The following ARHGAP24 variants were observed in gnomAD, a reference collection of about 807,000 sequenced individuals.
The protein encoded by ARHGAP24 is Rho GTPase activating protein 24.
Under a neutral mutation model 76.4 loss-of-function variants are expected in ARHGAP24, and 50 were observed. The observed-to-expected ratio is 0.65, with a 90% CI of 0.52 to 0.83. The LOEUF is 0.83. ARHGAP24 is among the 40% of genes least tolerant of loss of function. The pLI, the probability that ARHGAP24 is intolerant of heterozygous loss-of-function variation, is 0.00. For synonymous variants in ARHGAP24, 345 were observed against 323.3 expected (o/e 1.07, Z -0.72); for missense variants, 930 against 914.2 (o/e 1.02, Z -0.22).
chr4:85,667,094 C>T (rs557741692), intron 2 of ARHGAP24, among the ~76,000 whole-genome samples: 9 of 152,160 alleles, frequency 5.9e-5, no homozygotes, highest in African/African-American at 1.4e-4. Context: ...GTGCCCTGCC[C>T]CCAGAGGTGG....
intron 1 of ARHGAP24, among the ~76,000 whole-genome samples, chr4:85,507,229 A>AT (rs950295857): frequency 2.7e-5 from 4 of 150,116 alleles, no homozygotes; most frequent in Non-Finnish European, 3.0e-5. Context: ...TATTATTATT[A>AT]TTTTTTTTTA....
intron 1 of ARHGAP24, among the ~76,000 whole-genome samples, chr4:85,552,081 C>T (rs183782883): frequency 4.7e-4 from 71 of 152,096 alleles, no homozygotes; most frequent in African/African-American, 1.6e-3. Context: ...TTGGTTTGCT[C>T]TTGTTTCTCT....
chr4:85,691,837 T>C (rs1308506172), intron 2 of ARHGAP24, among the ~76,000 whole-genome samples: 1 of 152,178 alleles, frequency 6.6e-6, no homozygotes, highest in Non-Finnish European at 1.5e-5. Context: ...GGCCATTTAC[T>C]TTCAGGGTTA....
rs35999958 is a variant in ARHGAP24 at position 85,888,262 on chromosome 4, G to A, written c.269-35386G>A. 5.9e-5 allele frequency among the ~76,000 whole-genome samples: 9 copies of A among 151,930 alleles called. No individual in the cohort carries two copies. In the East Asian group the frequency reaches 1.6e-3, roughly 26 times the overall value. On this transcript the variant is annotated intron_variant, in intron 3 of 9. Coordinates refer to ENST00000395184, the MANE Select transcript of ARHGAP24 (RefSeq NM_001025616.3). ...CTAAAAATACAAAAATTAGCCGGACGTGGTGGCGCACACTTGTAATCCGGC... is the reference window on the plus strand; with the variant it reads ...CTAAAAATACAAAAATTAGCCGGACATGGTGGCGCACACTTGTAATCCGGC...
intron 2 of ARHGAP24, among the ~76,000 whole-genome samples, chr4:85,699,034 T>C (rs188799838): frequency 4.8e-4 from 73 of 152,344 alleles, no homozygotes; most frequent in Non-Finnish European, 5.3e-4. Context: ...ACCCCATCTC[T>C]AATTACCATT....
rs1721108204 is a variant in ARHGAP24, at chr4:85,630,059, C to T, written c.180+59338C>T. ...CTTTTCTCTTCTTTCTTTCTTTTTC[C>T]TCTAGGTAATTTTAAATGACCTGTC... is the stretch of plus-strand genomic sequence containing the variant. On this transcript the variant is annotated intron_variant, in intron 2 of 9. Coordinates refer to ENST00000395184, the MANE Select transcript of ARHGAP24 (RefSeq NM_001025616.3). Among the ~76,000 whole-genome samples, 4 of 151,104 alleles carry T rather than the reference C, an allele frequency of 2.6e-5. No individual in the cohort carries two copies. The South Asian group carries it at 8.3e-4, about 31-fold the overall frequency.
At chr4:85,702,366 A>C (rs1265139460) in intron 2 of ARHGAP24, among the ~76,000 whole-genome samples, 1 of 152,224 alleles carries the variant, frequency 6.6e-6, no homozygotes, top group Non-Finnish European at 1.5e-5. Flanking sequence ...ACTTTCTTAA[A>C]ATTAGAATAA....
At chr4:85,496,472 C>A (rs890236667) in intron 1 of ARHGAP24, among the ~76,000 whole-genome samples, 1 of 152,244 alleles carries the variant, frequency 6.6e-6, no homozygotes, top group African/African-American at 2.4e-5. Context: ...GCAAACAACT[C>A]TTCTCTGAAG....
At chr4:85,905,287 A>T (rs969218237) in intron 3 of ARHGAP24, among the ~76,000 whole-genome samples, 16 of 152,212 alleles carry the variant, frequency 1.1e-4, no homozygotes, top group African/African-American at 3.6e-4. Context: ...TTTTTAAGTC[A>T]TACGGGCTAG....
At chr4:85,730,030 A>G (rs1725341291) in intron 3 of ARHGAP24, among the ~76,000 whole-genome samples, 1 of 152,186 alleles carries the variant, frequency 6.6e-6, no homozygotes. Flanking sequence ...GGCATTATCC[A>G]TTGCCTCAAA....
At chr4:85,526,522 G>A (rs901751636) in intron 1 of ARHGAP24, among the ~76,000 whole-genome samples, 17 of 151,934 alleles carry the variant, frequency 1.1e-4, no homozygotes, top group Admixed American at 3.9e-4. Flanking sequence ...TATACTAATG[G>A]TATGGGGCCT....
At chr4:85,495,188 T>C (rs1723517776) in intron 1 of ARHGAP24, among the ~76,000 whole-genome samples, 1 of 151,660 alleles carries the variant, frequency 6.6e-6, no homozygotes, top group Non-Finnish European at 1.5e-5. Flanking sequence ...GACCTATAAA[T>C]GACCGAGTAT....
At chr4:85,894,960 CAAAAAAAAAAAA>C (rs540459367) in intron 3 of ARHGAP24, among the ~76,000 whole-genome samples, 1 of 35,356 alleles carries the variant, frequency 2.8e-5, no homozygotes, top group Non-Finnish European at 6.5e-5. Context: ...GACTCCCTCT[CAAAAAAAAAAAA>C]AAAAAAAAAA....
At chr4:85,954,502 G>A (rs1007582540) in intron 5 of ARHGAP24, among the ~76,000 whole-genome samples, 4 of 152,210 alleles carry the variant, frequency 2.6e-5, no homozygotes, top group African/African-American at 4.8e-5. Context: ...CTGGCGTATA[G>A]TATGCACCAA....
chr4:85,919,916 C>T (rs1361176504), intron 3 of ARHGAP24, among the ~76,000 whole-genome samples: 3 of 152,164 alleles, frequency 2.0e-5, no homozygotes, highest in African/African-American at 4.8e-5. Context: ...TTTAGAACTG[C>T]GCCATGCTAA....
Position 85,570,702 on chromosome 4 carries a change from A to T in ARHGAP24, c.161A>T (p.Glu54Val). The T allele has an allele frequency of 6.2e-7, 1 of 1,614,124 alleles. No individual in the cohort carries two copies. Among genetic ancestry groups the T allele is most frequent in the Non-Finnish European group, 8.5e-7 (1 of 1,179,998 alleles). ...GATCAGCTCTATTATTTCAAAGATG[A>T]AGATGAAACCAAGCCCTTGGTGAGT... ...KGDQLYYFKDEDETKPLGTIF... is the reference protein window; with the variant it reads ...KGDQLYYFKDVDETKPLGTIF... The change falls in exon 2 of 10, where the codon GAA (glutamate) becomes GTA (valine). Residue 54 changes from glutamate to valine, a missense_variant. Coordinates refer to ENST00000395184, the MANE Select transcript of ARHGAP24 (RefSeq NM_001025616.3).
chr4:85,828,301 T>TA (rs1004649095), intron 3 of ARHGAP24, among the ~76,000 whole-genome samples: 1 of 152,202 alleles, frequency 6.6e-6, no homozygotes, highest in African/African-American at 2.4e-5. Flanking sequence ...TGAAGGAATA[T>TA]AAAAACTGCT....
chr4:85,904,247 G>A (rs72972045), intron 3 of ARHGAP24, among the ~76,000 whole-genome samples: 4,466 of 152,252 alleles, frequency 0.029, 124 homozygotes, highest in East Asian at 0.11. Flanking sequence ...TTTACTCATG[G>A]CAGAAAGTGA....
Position 85,803,628 on chromosome 4 carries a change from A to G in ARHGAP24, c.268+81656A>G, listed in dbSNP as rs560090835. Among the ~76,000 whole-genome samples, 1,100 of 152,286 alleles carry G rather than the reference A, an allele frequency of 7.2e-3. 9 individuals are homozygous for G. The highest frequency in any genetic ancestry group is 0.025 in the African/African-American group (1,053 of 41,548). ...AAAATATTGAGATTCTTCTGTTTCTAAAATTTATAGCCACAATATCCCTTG... is the reference window on the plus strand; with the variant it reads ...AAAATATTGAGATTCTTCTGTTTCTGAAATTTATAGCCACAATATCCCTTG... On this transcript the variant is annotated intron_variant, in intron 3 of 9. Coordinates refer to ENST00000395184, the MANE Select transcript of ARHGAP24 (RefSeq NM_001025616.3).
Sources: gnomAD v4.1 joint callset for allele counts (sites outside exome capture counted in the v4.1 genomes callset) on GRCh38, gnomAD v4.1.1 for gene constraint, MANE v1.5 for transcripts, NCBI Gene and HGNC (gene_info 2026-07-23, HGNC 2026-07-21) for gene names.